Variants in SYN3 observed in about 807,000 individuals in gnomAD.
SYN3 encodes synapsin-3.
In SYN3, 35 loss-of-function variants were observed where a neutral mutation model predicts 65.8. That is an observed-to-expected ratio of 0.53 (90% confidence interval 0.41 to 0.70). SYN3 has a LOEUF of 0.70. SYN3 is among the 30% of genes least tolerant of loss of function. The pLI, the probability that SYN3 is intolerant of heterozygous loss-of-function variation, is 0.00. For synonymous variants in SYN3, 270 were observed against 292.9 expected (o/e 0.92, Z 0.80); for missense variants, 680 against 749.0 (o/e 0.91, Z 1.08).
chr22:32,687,104 C>G (rs949505152), intron 6 of SYN3, among the ~76,000 whole-genome samples: 4 of 152,076 alleles, frequency 2.6e-5, no homozygotes, highest in Admixed American at 2.6e-4. Context: ...GCTGAGTGTT[C>G]TCCTTGGTAC....
chr22:32,981,072 A>T, intron 2 of SYN3, among the ~76,000 whole-genome samples: 1 of 150,820 alleles, frequency 6.6e-6, no homozygotes, highest in East Asian at 2.0e-4. Flanking sequence ...TCAGGCTGGT[A>T]TCAAACTCCT....
rs574953298 is a variant in SYN3, at chr22:32,948,465, G to A, written c.370-16984C>T. Among the ~76,000 whole-genome samples, 324 of 152,174 alleles carry A rather than the reference G, an allele frequency of 2.1e-3. 1 individual carries two copies. Among genetic ancestry groups the A allele is most frequent in the Non-Finnish European group, 3.8e-3 (261 of 68,018 alleles). ...AAGAAAATCTCTTTGGGCCAGGCGC[G>A]GTGGCTCATGCCTGTAATCACAGCA... On this transcript the variant is annotated intron_variant, in intron 3 of 13. Transcript: ENST00000358763.
At chr22:32,982,569 T>C (rs1730128964) in intron 2 of SYN3, among the ~76,000 whole-genome samples, 1 of 152,256 alleles carries the variant, frequency 6.6e-6, no homozygotes, top group African/African-American at 2.4e-5. Flanking sequence ...TCATATTGTT[T>C]TCATACTATT....
chr22:32,515,965 A>AT (rs2057765162), intron 13 of SYN3, among the ~76,000 whole-genome samples: 1 of 151,992 alleles, frequency 6.6e-6, no homozygotes, highest in African/African-American at 2.4e-5. Flanking sequence ...CGCCTGGCTA[A>AT]TTTTTTGTAT....
At chr22:32,977,747 A>T (rs548279126) in intron 3 of SYN3, among the ~76,000 whole-genome samples, 34 of 151,884 alleles carry the variant, frequency 2.2e-4, no homozygotes, top group Middle Eastern at 3.4e-3. Context: ...TCTCCAAAAA[A>T]AAAAAAAAAA....
intron 3 of SYN3, among the ~76,000 whole-genome samples, chr22:32,939,589 G>A (rs972031088): frequency 2.0e-5 from 3 of 152,208 alleles, no homozygotes; most frequent in East Asian, 1.9e-4. Context: ...TTACATGTTC[G>A]TGAACTTGCT....
intron 1 of SYN3, among the ~76,000 whole-genome samples, chr22:33,041,149 C>T (rs1006424033): frequency 6.6e-6 from 1 of 152,030 alleles, no homozygotes; most frequent in East Asian, 1.9e-4. Flanking sequence ...GATCTCCTGA[C>T]CTCATGGTCT....
chr22:32,960,665 T>C (rs2051619149), intron 3 of SYN3, among the ~76,000 whole-genome samples: 1 of 152,314 alleles, frequency 6.6e-6, no homozygotes, highest in Admixed American at 6.5e-5. Flanking sequence ...GCTTCCCCCA[T>C]GCCCCTCAGG....
At chr22:32,550,477 A>G (rs1434507384) in intron 7 of SYN3, among the ~76,000 whole-genome samples, 1 of 152,098 alleles carries the variant, frequency 6.6e-6, no homozygotes, top group East Asian at 1.9e-4. Context: ...CTTGTTAGTA[A>G]TAATAATGGT....
chr22:32,593,018 C>A (rs1261684126), intron 7 of SYN3, among the ~76,000 whole-genome samples: 3 of 152,180 alleles, frequency 2.0e-5, no homozygotes, highest in African/African-American at 7.2e-5. Context: ...CTTCTAGGAA[C>A]GTTCTCTTTG....
chr22:32,705,941 A>G (rs946033326), intron 6 of SYN3, among the ~76,000 whole-genome samples: 1 of 152,234 alleles, frequency 6.6e-6, no homozygotes, highest in Admixed American at 6.5e-5. Flanking sequence ...GTTGTTTATC[A>G]GCTTAAAGAG....
chr22:32,924,552 C>A (rs1455627089), intron 4 of SYN3, among the ~76,000 whole-genome samples: 1 of 152,196 alleles, frequency 6.6e-6, no homozygotes, highest in Non-Finnish European at 1.5e-5. Context: ...CCTGCAAGAC[C>A]AGATGCACTG....
chr22:32,928,255 G>A (rs1161879608), intron 4 of SYN3, among the ~76,000 whole-genome samples: 1 of 152,060 alleles, frequency 6.6e-6, no homozygotes, highest in Admixed American at 6.5e-5. Flanking sequence ...GTGTGAACCT[G>A]GAAGGCAGAG....
At chr22:32,692,350 C>T (rs2060676466) in intron 6 of SYN3, among the ~76,000 whole-genome samples, 1 of 152,106 alleles carries the variant, frequency 6.6e-6, no homozygotes, top group African/African-American at 2.4e-5. Flanking sequence ...CCCTGGGAAG[C>T]CACCTCTGCA....
chr22:32,825,639 CA>C (rs1435458683), intron 6 of SYN3, among the ~76,000 whole-genome samples: 1 of 110,588 alleles, frequency 9.0e-6, no homozygotes, highest in Non-Finnish European at 1.7e-5. Flanking sequence ...GCCTGGGCGA[CA>C]GAGCGAGTTT....
chr22:32,643,579 T>C (rs1207587141), intron 6 of SYN3, among the ~76,000 whole-genome samples: 1 of 75,938 alleles, frequency 1.3e-5, no homozygotes, highest in African/African-American at 6.0e-5. Flanking sequence ...AACAGACCCA[T>C]AAAGGAAAAG....
chr22:32,526,741 G>A (rs1404097095), intron 12 of SYN3, among the ~76,000 whole-genome samples: 1 of 152,014 alleles, frequency 6.6e-6, no homozygotes, highest in Admixed American at 6.6e-5. Context: ...GGCTGGTCTC[G>A]AACTCCTGAC....
chr22:32,817,738 G>A (rs2047125070), intron 6 of SYN3, among the ~76,000 whole-genome samples: 1 of 152,202 alleles, frequency 6.6e-6, no homozygotes, highest in African/African-American at 2.4e-5. Flanking sequence ...CTAGGATCTT[G>A]TTTATACCGT....
chr22:32,843,354 G>A (rs1421120285), intron 6 of SYN3, among the ~76,000 whole-genome samples: 1 of 152,220 alleles, frequency 6.6e-6, no homozygotes, highest in East Asian at 1.9e-4. Context: ...TGTAATTCTT[G>A]AATGGGTGAG....
Sources: allele counts gnomAD v4.1 joint callset (sites outside exome capture counted in the v4.1 genomes callset), GRCh38; gene constraint gnomAD v4.1.1; transcripts MANE v1.5; gene names NCBI Gene and HGNC (gene_info 2026-07-23, HGNC 2026-07-21).